The following COL23A1 variants were observed in gnomAD, a reference collection of about 807,000 sequenced individuals.
COL23A1 encodes collagen type XXIII alpha 1 chain, also known as collagen alpha-1(XXIII) chain.
Under a neutral mutation model 99.3 loss-of-function variants are expected in COL23A1, and 97 were observed. The ratio of observed to expected loss-of-function variants is 0.98; its 90% confidence interval spans 0.83 to 1.16. The LOEUF is 1.16. COL23A1 is among the 50% of genes most tolerant of loss of function. The pLI is 0.00. For missense variants in COL23A1, 762 were observed against 757.4 expected, an observed-to-expected ratio of 1.01 and a Z score of -0.07; for synonymous variants, 320 against 308.2, an observed-to-expected ratio of 1.04 and a Z score of -0.40.
At chr5:178,348,522 CAG>C (rs1264805930) in intron 2 of COL23A1, among the ~76,000 whole-genome samples, 3 of 152,208 alleles carry the variant, frequency 2.0e-5, no homozygotes, top group Admixed American at 6.5e-5. Flanking sequence ...TGTGTGGCCT[CAG>C]GGCTCCGAAC....
chr5:178,447,462 A>G (rs1767225232), intron 2 of COL23A1, among the ~76,000 whole-genome samples: 1 of 152,190 alleles, frequency 6.6e-6, no homozygotes, highest in African/African-American at 2.4e-5. Context: ...TTATAATACC[A>G]TATTTTTACT....
At chr5:178,341,480 G>A (rs1211855858) in intron 2 of COL23A1, among the ~76,000 whole-genome samples, 1 of 152,176 alleles carries the variant, frequency 6.6e-6, no homozygotes, top group Non-Finnish European at 1.5e-5. Context: ...TGGCTCTTCT[G>A]ACCTGAGCAA....
At chr5:178,426,912 A>G (rs1765970153) in intron 2 of COL23A1, among the ~76,000 whole-genome samples, 1 of 152,166 alleles carries the variant, frequency 6.6e-6, no homozygotes, top group African/African-American at 2.4e-5. Flanking sequence ...CAAAATAACG[A>G]TGAGGCCAGT....
chr5:178,368,370 C>T (rs533418170), intron 2 of COL23A1, among the ~76,000 whole-genome samples: 28 of 152,262 alleles, frequency 1.8e-4, no homozygotes, highest in Middle Eastern at 3.4e-3. Context: ...AGCCCACAAA[C>T]GCACAGCCTC....
Position 178,590,206 on chromosome 5 carries a change from C to T in COL23A1, c.-9G>A. The T allele has an allele frequency of 4.1e-6, 5 of 1,213,238 alleles. No individual in the cohort carries two copies. The highest frequency in any genetic ancestry group is 5.1e-6 in the Non-Finnish European group (5 of 977,748). 75.2% of individuals were successfully genotyped at this position (1,213,238 alleles called of 1,614,324 possible). The stretch of plus-strand genomic sequence containing the variant: ...CGCTCGCCTGGGCCCATGGCGCGTT[C>T]GTCGCGCGTGGACTCTCCGAGGGGG... On this transcript the variant is annotated 5_prime_UTR_variant, in exon 1 of 29. Coordinates refer to ENST00000390654, the MANE Select transcript of COL23A1 (RefSeq NM_173465.4). This position sits in a 1 kb window ranked among gnomAD's most constrained non-coding sequence, Gnocchi z 5.7.
At chr5:178,518,274 GAA>G (rs1169577297) in intron 2 of COL23A1, among the ~76,000 whole-genome samples, 1 of 147,776 alleles carries the variant, frequency 6.8e-6, no homozygotes, top group African/African-American at 2.5e-5. Context: ...AGAACAAAAT[GAA>G]AAGTCTCCCA....
chr5:178,249,929 T>G, intron 18 of COL23A1, 132 bp downstream of exon 18: 3 of 1,249,846 alleles, frequency 2.4e-6, no homozygotes, highest in South Asian at 1.3e-5. Flanking sequence ...CCAAAATCCA[T>G]GATTTTTGAT....
chr5:178,472,817 T>C (rs897282766), intron 2 of COL23A1, among the ~76,000 whole-genome samples: 3 of 152,032 alleles, frequency 2.0e-5, no homozygotes, highest in African/African-American at 4.8e-5. Context: ...CAACCGCAGA[T>C]TGAAAATATT....
At chr5:178,323,792 C>A (rs2127632343) in intron 2 of COL23A1, among the ~76,000 whole-genome samples, 1 of 152,294 alleles carries the variant, frequency 6.6e-6, no homozygotes, top group South Asian at 2.1e-4. Context: ...ATGCGCTGTG[C>A]TGGGCTGTCC....
chr5:178,518,258 T>C (rs1424772490), intron 2 of COL23A1, among the ~76,000 whole-genome samples: 1 of 145,658 alleles, frequency 6.9e-6, no homozygotes, highest in African/African-American at 2.6e-5. Context: ...GAATTTTTCT[T>C]AGTGCAGAAC....
intron 19 of COL23A1, among the ~76,000 whole-genome samples, chr5:178,248,497 G>T (rs1764836839): frequency 1.3e-5 from 2 of 152,180 alleles, no homozygotes; most frequent in Admixed American, 6.5e-5. Context: ...AGCAACCGGG[G>T]GCTGTGAAGC....
chr5:178,337,198 G>A (rs1760380630), intron 2 of COL23A1, among the ~76,000 whole-genome samples: 1 of 152,224 alleles, frequency 6.6e-6, no homozygotes, highest in Non-Finnish European at 1.5e-5. Flanking sequence ...TCTGAGTGTG[G>A]AGCCATCCTC....
intron 2 of COL23A1, among the ~76,000 whole-genome samples, chr5:178,466,028 C>T (rs925867078): frequency 6.6e-6 from 1 of 152,194 alleles, no homozygotes; most frequent in Non-Finnish European, 1.5e-5. Flanking sequence ...CTCCCCTCTG[C>T]GCCACCTCTT....
In COL23A1 at chr5:178,590,093, C is replaced by T. The variant is rs565256510; in HGVS notation, c.105G>A (p.Ala35=). 1.6e-6 allele frequency: 2 copies of T among 1,283,040 alleles called. No homozygotes were observed. The highest frequency in any genetic ancestry group is 3.4e-5 in the Admixed American group (1 of 29,294). 79.5% of individuals were successfully genotyped at this position (1,283,040 alleles called of 1,614,324 possible). ...GRSATTAGSR[A]VSALCLLLSV... The stretch of plus-strand genomic sequence containing the variant: ...AGAGCAGCAGGCACAGCGCGCTCAC[C>T]GCCCGGGACCCGGCCGTCGTCGCCG... Residue 35 remains alanine, a synonymous_variant, in exon 1 of 29, where the codon GCG becomes GCA. Transcript: ENST00000390654. The surrounding 1 kb of genome is among the most constrained non-coding windows in gnomAD (Gnocchi z 5.7).
intron 2 of COL23A1, among the ~76,000 whole-genome samples, chr5:178,547,501 A>ACCC (rs1761662816): frequency 1.1e-5 from 1 of 94,104 alleles, no homozygotes. Flanking sequence ...ACACATCCCC[A>ACCC]TACACACCCC....
At chr5:178,412,435 A>G (rs1201287621) in intron 2 of COL23A1, among the ~76,000 whole-genome samples, 2 of 152,224 alleles carry the variant, frequency 1.3e-5, no homozygotes, top group Non-Finnish European at 2.9e-5. Context: ...CTTACCACTA[A>G]ATATAAACAA....
intron 2 of COL23A1, among the ~76,000 whole-genome samples, chr5:178,447,581 G>A (rs1415952383): frequency 6.6e-6 from 1 of 152,082 alleles, no homozygotes; most frequent in African/African-American, 2.4e-5. Flanking sequence ...TGTAGCCTGG[G>A]GCAACAGGCT....
intron 2 of COL23A1, among the ~76,000 whole-genome samples, chr5:178,477,490 A>G (rs1187888709): frequency 6.6e-6 from 1 of 152,230 alleles, no homozygotes; most frequent in African/African-American, 2.4e-5. Context: ...TGAAAAGCAG[A>G]CAGCAGAAGC....
chr5:178,250,115 A>C lies in COL23A1; in HGVS notation c.1015-10T>G. On this transcript the variant is annotated splice_polypyrimidine_tract_variant and intron_variant, in intron 17 of 28. Transcript: ENST00000390654. ...GCAATCCAAGCTCGCCCTGGAAGGG[A>C]AGAGATGGCAAGAGGGGTTATGCCT... is the stretch of plus-strand genomic sequence containing the variant. The C allele has an allele frequency of 6.2e-7, 1 of 1,614,068 alleles. No homozygotes were observed. The highest frequency in any genetic ancestry group is 1.1e-5 in the South Asian group (1 of 91,082).
Sources: allele counts gnomAD v4.1 joint callset (sites outside exome capture counted in the v4.1 genomes callset), GRCh38; gene constraint gnomAD v4.1.1; non-coding constraint Gnocchi (gnomAD v3.1); transcripts MANE v1.5; gene names NCBI Gene and HGNC (gene_info 2026-07-23, HGNC 2026-07-21).